The following KCNT2 variants were observed in gnomAD, a reference collection of about 807,000 sequenced individuals.
The protein encoded by KCNT2 is potassium channel subfamily T member 2.
A neutral mutation model predicts 153.8 loss-of-function variants in KCNT2; 67 were observed. The ratio of observed to expected loss-of-function variants is 0.44; its 90% CI spans 0.36 to 0.53. The LOEUF is 0.53. KCNT2 is among the 20% of genes least tolerant of loss of function. The pLI, the probability that KCNT2 is intolerant of heterozygous loss-of-function variation, is 0.00. For synonymous variants in KCNT2, 500 were observed against 458.8 expected, an observed-to-expected ratio of 1.09 and a Z score of -1.15; for missense variants, 975 against 1,354.8, an observed-to-expected ratio of 0.72 and a Z score of 4.40.
intron 25 of KCNT2, among the ~76,000 whole-genome samples, chr1:196,274,021 A>G (rs1558089166): frequency 6.6e-6 from 1 of 151,664 alleles, no homozygotes; most frequent in Admixed American, 6.6e-5. Context: ...TTCTATAATC[A>G]TTATTGGTGT....
At chr1:196,448,168 T>G (rs575251801) in intron 8 of KCNT2, among the ~76,000 whole-genome samples, 100 of 151,710 alleles carry the variant, frequency 6.6e-4, no homozygotes, top group Non-Finnish European at 1.2e-3. Context: ...GACTCATTTC[T>G]GATGTCCAAC....
intron 8 of KCNT2, among the ~76,000 whole-genome samples, chr1:196,430,634 C>T (rs1363149609): frequency 6.6e-6 from 1 of 151,926 alleles, no homozygotes; most frequent in African/African-American, 2.4e-5. Context: ...TGGACTAAGA[C>T]ACAAAACAAT....
At chr1:196,361,255 C>T (rs1667598444) in intron 14 of KCNT2, among the ~76,000 whole-genome samples, 2 of 151,862 alleles carry the variant, frequency 1.3e-5, no homozygotes, top group African/African-American at 4.8e-5. Flanking sequence ...CCCACACAAA[C>T]AGAGGAAGAT....
Position 196,326,871 on chromosome 1 carries a change from A to T in KCNT2, c.2122T>A (p.Tyr708Asn), listed in dbSNP as rs1252933835. 5.1e-6 allele frequency: 8 copies of T among 1,574,334 alleles called. No individual in the cohort carries two copies. The highest frequency in any genetic ancestry group is 6.9e-6 in the Non-Finnish European group (8 of 1,166,778). ...RLDKSCQHNYYEDAKAYGFKN... is the reference protein window; with the variant it reads ...RLDKSCQHNYNEDAKAYGFKN... ...AATCCATAGGCTTTTGCATCCTCAT[A>T]GTAGTTATGTTGGCAACTCTAGAGA... Residue 708 changes from tyrosine to asparagine, a missense_variant, in exon 19 of 28, where the codon TAT (tyrosine) becomes AAT (asparagine). Physicochemically the swap from Tyr to Asn is moderately radical, Grantham distance 143 (BLOSUM62 -2). Around this residue, in one of 6 missense-constraint regions of KCNT2, gnomAD observed 325 missense variants for 388.1 expected, o/e 0.84. Coordinates refer to ENST00000294725, the MANE Select transcript of KCNT2 (RefSeq NM_198503.5).
chr1:196,395,444 G>A (rs1473121406), intron 13 of KCNT2, among the ~76,000 whole-genome samples: 3 of 151,548 alleles, frequency 2.0e-5, no homozygotes, highest in Admixed American at 6.6e-5. Flanking sequence ...ATGACGAATA[G>A]GCACTCAAGA....
At chr1:196,262,692 C>T (rs1304032096) in intron 25 of KCNT2, among the ~76,000 whole-genome samples, 1 of 151,852 alleles carries the variant, frequency 6.6e-6, no homozygotes, top group East Asian at 1.9e-4. Context: ...AATATGTACA[C>T]GTGGTCTGTG....
At chr1:196,563,415 C>T (rs1282469682) in intron 1 of KCNT2, among the ~76,000 whole-genome samples, 1 of 143,308 alleles carries the variant, frequency 7.0e-6, no homozygotes, top group Non-Finnish European at 1.5e-5. Flanking sequence ...TGGTATTCAT[C>T]GTTATCATTT....
chr1:196,268,808 A>C (rs1204154321), intron 25 of KCNT2, among the ~76,000 whole-genome samples: 3 of 151,768 alleles, frequency 2.0e-5, no homozygotes, highest in Admixed American at 6.6e-5. Context: ...TGCTCTCCCC[A>C]CAAAAAAAAA....
At chr1:196,401,905 A>G (rs913667950) in intron 12 of KCNT2, among the ~76,000 whole-genome samples, 1 of 151,570 alleles carries the variant, frequency 6.6e-6, no homozygotes, top group Non-Finnish European at 1.5e-5. Context: ...CAAACTGTTA[A>G]AAAACAAAAA....
chr1:196,316,799 C>T (rs574557315), intron 20 of KCNT2, among the ~76,000 whole-genome samples: 1 of 151,664 alleles, frequency 6.6e-6, no homozygotes, highest in Admixed American at 6.6e-5. Context: ...GTTTATTTAC[C>T]GTTAAAGCTG....
intron 1 of KCNT2, among the ~76,000 whole-genome samples, chr1:196,503,938 G>A (rs1008265562): frequency 3.3e-5 from 5 of 152,110 alleles, no homozygotes; most frequent in African/African-American, 1.2e-4. Flanking sequence ...AGTATGTAAT[G>A]CACTTGCTTA....
At chr1:196,334,499 T>TTTTTTTTTTTTTTTTTTTTTTTA in intron 16 of KCNT2, among the ~76,000 whole-genome samples, 1 of 145,656 alleles carries the variant, frequency 6.9e-6, no homozygotes, top group Non-Finnish European at 1.5e-5. Context: ...TTTTTTTTTT[T>TTTTTTTTTTTTTTTTTTTTTTTA]AAGACAGAGT....
chr1:196,307,250 T>A (rs1046698004), intron 21 of KCNT2, among the ~76,000 whole-genome samples: 19 of 152,116 alleles, frequency 1.2e-4, no homozygotes, highest in Non-Finnish European at 1.9e-4. Flanking sequence ...TTATTACTAT[T>A]TTCTTAGTTT....
At chr1:196,407,771 T>C (rs1298530131) in intron 12 of KCNT2, among the ~76,000 whole-genome samples, 2 of 151,496 alleles carry the variant, frequency 1.3e-5, no homozygotes, top group African/African-American at 4.8e-5. Flanking sequence ...TGTTCAAAAA[T>C]GCATGTAATA....
chr1:196,449,874 G>A (rs182668288), intron 8 of KCNT2, among the ~76,000 whole-genome samples: 1 of 151,622 alleles, frequency 6.6e-6, no homozygotes. Context: ...GTTTTAAAAA[G>A]ATGTATGAAT....
rs1675776049 is a variant in KCNT2, at chr1:196,447,375, A to G, written c.639-17618T>C. ...GGAGGCCGAAAGCTAAGTAAAGAAC[A>G]TACAAGGAATCAGAAACATTTAGTT... On this transcript the variant is annotated intron_variant, in intron 8 of 27. Transcript: ENST00000294725. Among the ~76,000 whole-genome samples the G allele has an allele frequency of 2.6e-5, 4 of 151,724 alleles. No homozygotes were observed. The Admixed American group carries it at 2.6e-4, about 10-fold the overall frequency.
intron 1 of KCNT2, among the ~76,000 whole-genome samples, chr1:196,586,612 A>G (rs1572902339): frequency 6.6e-6 from 1 of 152,068 alleles, no homozygotes; most frequent in Admixed American, 6.6e-5. Context: ...CCCAATATCA[A>G]ACCACATTTT....
intron 12 of KCNT2, among the ~76,000 whole-genome samples, chr1:196,412,169 C>T (rs192676709): frequency 1.6e-3 from 238 of 151,844 alleles, no homozygotes; most frequent in African/African-American, 5.5e-3. Context: ...CCTTTCCTAA[C>T]ATTTCATATG....
At chr1:196,560,021 C>T (rs887989863) in intron 1 of KCNT2, among the ~76,000 whole-genome samples, 5 of 151,894 alleles carry the variant, frequency 3.3e-5, no homozygotes, top group East Asian at 1.9e-4. Flanking sequence ...TCTAAATATT[C>T]GATTAATTAT....
Sources: allele counts gnomAD v4.1 joint callset (sites outside exome capture counted in the v4.1 genomes callset), GRCh38; gene constraint gnomAD v4.1.1; regional missense constraint gnomAD v4.1.1; transcripts MANE v1.5; gene names NCBI Gene and HGNC (gene_info 2026-07-23, HGNC 2026-07-21).